The following ZNF138 variants were observed in gnomAD, a reference collection of about 807,000 sequenced individuals.
ZNF138 encodes the protein zinc finger protein 138 (clone pHZ-32).
ZNF138 carries 33 observed loss-of-function variants against 33.0 expected under a neutral mutation model. The ratio of observed to expected loss-of-function variants is 1.00; its 90% CI spans 0.76 to 1.34. The LOEUF is 1.34. ZNF138 is among the 40% of genes most tolerant of loss of function. The probability of loss-of-function intolerance (pLI) is 0.00; values close to 1 mark genes in which losing one functional copy is unlikely to be tolerated. For missense variants in ZNF138, 360 were observed against 370.8 expected, an observed-to-expected ratio of 0.97 and a Z score of 0.24; for synonymous variants, 139 against 120.4, an observed-to-expected ratio of 1.15 and a Z score of -1.01.
downstream of ZNF138, among the ~76,000 whole-genome samples, chr7:64,834,896 G>C (rs1466961627): frequency 1.3e-5 from 2 of 152,198 alleles, no homozygotes; most frequent in Non-Finnish European, 2.9e-5. Flanking sequence ...AGTACAGTTT[G>C]AAAGGCAATG....
the ZNF138 span, among the ~76,000 whole-genome samples, chr7:64,839,484 T>C: frequency 1.3e-5 from 2 of 152,150 alleles, no homozygotes; most frequent in Non-Finnish European, 2.9e-5. Flanking sequence ...CGATTTGGAC[T>C]TCCCCTGGGG....
intron 3 of ZNF138, among the ~76,000 whole-genome samples, chr7:64,818,678 A>G (rs1788870086): frequency 6.9e-6 from 1 of 144,036 alleles, no homozygotes; most frequent in Non-Finnish European, 1.6e-5. Flanking sequence ...TGAACCTGGG[A>G]GGCAGAGGTT....
intron 1 of ZNF138, chr7:64,814,016 A>T: frequency 8.5e-7 from 1 of 1,182,330 alleles, no homozygotes; most frequent in Admixed American, 4.0e-5. Context: ...TCCTTTGCAT[A>T]TATCTGTCTT....
At chr7:64,840,123 G>A in the ZNF138 span, among the ~76,000 whole-genome samples, 32 of 152,146 alleles carry the variant, frequency 2.1e-4, no homozygotes, top group African/African-American at 6.7e-4. Flanking sequence ...CTGAGGTGGC[G>A]ATCGCCATCT....
rs755763577 is a variant in ZNF138 at position 64,815,071 on chromosome 7, C to T, written c.130+27C>T. On this transcript the variant is annotated intron_variant, in intron 2 of 3. Coordinates refer to ENST00000307355, the MANE Select transcript of ZNF138 (RefSeq NM_001271639.2). ...TGAGAATAACTTCAGTACACATTTC[C>T]TAATATATCCTAAAGGTTTCATTTT... The T allele has an allele frequency of 3.9e-6, 6 of 1,539,510 alleles. No individual in the cohort carries two copies. In the Admixed American group the frequency reaches 1.3e-4, roughly 33 times the overall value.
intron 1 of ZNF138, among the ~76,000 whole-genome samples, chr7:64,804,401 A>G (rs927538650): frequency 3.3e-5 from 5 of 152,100 alleles, no homozygotes; most frequent in African/African-American, 1.2e-4. Flanking sequence ...GTGAGCCCTT[A>G]AAAGGGACAG....
chr7:64,825,122 A>C (rs181761157), intron 3 of ZNF138, among the ~76,000 whole-genome samples: 22 of 143,368 alleles, frequency 1.5e-4, no homozygotes, highest in Middle Eastern at 3.7e-3. Flanking sequence ...CAGGCCTAAA[A>C]TGAGTCTCTT....
At chr7:64,824,922 A>G (rs1583875031) in intron 3 of ZNF138, among the ~76,000 whole-genome samples, 1 of 151,078 alleles carries the variant, frequency 6.6e-6, no homozygotes, top group Admixed American at 6.6e-5. Flanking sequence ...GCTCAATGCA[A>G]CCTCTGTCTC....
chr7:64,850,078 A>G, the ZNF138 span, among the ~76,000 whole-genome samples: 1 of 152,186 alleles, frequency 6.6e-6, no homozygotes, highest in Non-Finnish European at 1.5e-5. Flanking sequence ...CCTTTGACGC[A>G]AGTCTAAAAT....
chr7:64,808,354 A>G (rs1280145845), intron 1 of ZNF138, among the ~76,000 whole-genome samples: 3 of 151,980 alleles, frequency 2.0e-5, no homozygotes, highest in Admixed American at 1.3e-4. Flanking sequence ...TGCATTTCCT[A>G]TGGCCATTAG....
intron 3 of ZNF138, among the ~76,000 whole-genome samples, chr7:64,826,514 C>A (rs112154857): frequency 0.34 from 51,064 of 152,008 alleles, 9,806 homozygotes; most frequent in Non-Finnish European, 0.43. Flanking sequence ...CTCCTGACCT[C>A]AGGTGATCTG....
intron 3 of ZNF138, among the ~76,000 whole-genome samples, chr7:64,816,603 T>C (rs1374343299): frequency 6.6e-6 from 1 of 152,220 alleles, no homozygotes; most frequent in Non-Finnish European, 1.5e-5. Flanking sequence ...TTTTGTTTTT[T>C]AATATATTAG....
rs1790203334 is a variant in ZNF138 at position 64,832,830 on chromosome 7, C to T, written c.*628C>T. 4.7e-5 allele frequency: 21 copies of T among 449,508 alleles called. 1 individual carries two copies. Among genetic ancestry groups the T allele is most frequent in the South Asian group, 3.4e-4 (20 of 58,050 alleles). The allele number at this position is 449,508 out of a possible 1,614,324, so 27.8% of individuals were successfully genotyped here. Reference sequence around the variant, plus strand: ...CAAGAAGATTCATACTAGAGAGAAACCCTACAAATGTGAAGAATGTGGCAT... The same window carrying T: ...CAAGAAGATTCATACTAGAGAGAAATCCTACAAATGTGAAGAATGTGGCAT... On this transcript the variant is annotated 3_prime_UTR_variant, in exon 4 of 4. Transcript: ENST00000307355.
chr7:64,845,501 ACT>A, the ZNF138 span, among the ~76,000 whole-genome samples: 2 of 152,104 alleles, frequency 1.3e-5, no homozygotes, highest in Admixed American at 6.5e-5. Context: ...GAATCTCCAC[ACT>A]CTTTTTCATA....
At chr7:64,851,969 A>G in the ZNF138 span, among the ~76,000 whole-genome samples, 1,931 of 152,262 alleles carry the variant, frequency 0.013, 35 homozygotes, top group African/African-American at 0.044. Flanking sequence ...GACCAATGCT[A>G]TCTCTCCAGA....
chr7:64,855,922 CCGG>C, the ZNF138 span, among the ~76,000 whole-genome samples: 3 of 6,368 alleles, frequency 4.7e-4, no homozygotes, highest in African/African-American at 5.0e-4. Context: ...CAGCCTCTGC[CCGG>C]CCGCCACCCC....
At chr7:64,815,262 C>G (rs921188663) in intron 2 of ZNF138, among the ~76,000 whole-genome samples, 1 of 152,008 alleles carries the variant, frequency 6.6e-6, no homozygotes, top group Non-Finnish European at 1.5e-5. Context: ...TGATATGTAT[C>G]CTTCACTCTA....
chr7:64,859,490 C>G, the ZNF138 span, among the ~76,000 whole-genome samples: 1 of 152,156 alleles, frequency 6.6e-6, no homozygotes, highest in Non-Finnish European at 1.5e-5. Flanking sequence ...TATTAAGGGA[C>G]TATGAGGTGA....
the ZNF138 span, among the ~76,000 whole-genome samples, chr7:64,844,220 C>A: frequency 6.6e-6 from 1 of 152,242 alleles, no homozygotes; most frequent in Non-Finnish European, 1.5e-5. Flanking sequence ...CAGGCCCAAG[C>A]CTGTGTGCCC....
Sources: allele counts gnomAD v4.1 joint callset (sites outside exome capture counted in the v4.1 genomes callset), GRCh38; gene constraint gnomAD v4.1.1; transcripts MANE v1.5; gene names NCBI Gene and HGNC (gene_info 2026-07-23, HGNC 2026-07-21).